ZBBX: variants seen among roughly 807,000 people sequenced by gnomAD.
The protein encoded by ZBBX is zinc finger B-box domain-containing protein 1.
Under a neutral mutation model 108.5 loss-of-function variants are expected in ZBBX, and 101 were observed. That is an observed-to-expected ratio of 0.93 (90% CI 0.79 to 1.10). ZBBX has a LOEUF of 1.10. Among genes scored for constraint, ZBBX ranks in the 50% least tolerant of loss-of-function variants. ZBBX has a pLI of 0.00. For synonymous variants in ZBBX, 356 were observed against 323.4 expected, an observed-to-expected ratio of 1.10 and a Z score of -1.08; for missense variants, 1,009 against 941.4, an observed-to-expected ratio of 1.07 and a Z score of -0.94.
At chr3:167,395,004 G>T (rs937340985) in intron 1 of ZBBX, among the ~76,000 whole-genome samples, 4 of 151,962 alleles carry the variant, frequency 2.6e-5, no homozygotes, top group South Asian at 2.1e-4. Context: ...GGAAATAGAG[G>T]CATATTAAAA....
chr3:167,312,921 A>G (rs1216931705), intron 16 of ZBBX, among the ~76,000 whole-genome samples: 1 of 152,194 alleles, frequency 6.6e-6, no homozygotes, highest in Non-Finnish European at 1.5e-5. Flanking sequence ...ATGCCCTCCG[A>G]TATCTCTCAA....
intron 1 of ZBBX, among the ~76,000 whole-genome samples, chr3:167,393,500 G>A (rs368023223): frequency 1.9e-4 from 29 of 151,842 alleles, no homozygotes; most frequent in East Asian, 1.2e-3. Flanking sequence ...ATCAAAGAGT[G>A]GGTTAAGTTG....
intron 16 of ZBBX, among the ~76,000 whole-genome samples, chr3:167,311,864 CTGTT>C (rs1225720480): frequency 3.9e-5 from 6 of 152,224 alleles, no homozygotes; most frequent in South Asian, 2.1e-4. Context: ...TTTGGTAAGA[CTGTT>C]TGGCAATTAT....
At chr3:167,276,014 G>A (rs1283187934) in intron 20 of ZBBX, among the ~76,000 whole-genome samples, 2 of 152,096 alleles carry the variant, frequency 1.3e-5, no homozygotes, top group African/African-American at 4.8e-5. Context: ...CCCCAGCAGG[G>A]GCAGACTGAC....
At chr3:167,289,132 T>C in intron 18 of ZBBX, 149 bp from the exon 19 acceptor site, 1 of 337,732 alleles carries the variant, frequency 3.0e-6, no homozygotes, top group Non-Finnish European at 5.1e-6. Context: ...AAAATCTTAT[T>C]ACAAAATAAA....
chr3:167,207,869 C>A, the ZBBX span, among the ~76,000 whole-genome samples: 1 of 152,128 alleles, frequency 6.6e-6, no homozygotes, highest in Non-Finnish European at 1.5e-5. Context: ...GTTGAGCAAT[C>A]ACAGGAGCTG....
chr3:167,207,723 T>G, the ZBBX span, among the ~76,000 whole-genome samples: 7,848 of 151,980 alleles, frequency 0.052, 563 homozygotes, highest in African/African-American at 0.16. Context: ...ATGAAGACAA[T>G]AGAATAATAG....
At chr3:167,204,635 C>G in the ZBBX span, among the ~76,000 whole-genome samples, 2 of 149,346 alleles carry the variant, frequency 1.3e-5, no homozygotes, top group Non-Finnish European at 3.0e-5. Flanking sequence ...TTAATCCAGT[C>G]TATCATTGTT....
At chr3:167,344,155 G>A (rs553487588) in intron 9 of ZBBX, among the ~76,000 whole-genome samples, 2 of 151,820 alleles carry the variant, frequency 1.3e-5, no homozygotes, top group African/African-American at 4.8e-5. Flanking sequence ...TATATGAAAT[G>A]TCCAGAATAG....
chr3:167,389,294 C>A (rs1748016149), intron 1 of ZBBX, among the ~76,000 whole-genome samples: 1 of 152,134 alleles, frequency 6.6e-6, no homozygotes, highest in South Asian at 2.1e-4. Flanking sequence ...CATGTTCCTG[C>A]AAAGGACATG....
chr3:167,289,990 T>C (rs6444211), intron 18 of ZBBX, among the ~76,000 whole-genome samples: 124,581 of 152,070 alleles, frequency 0.82, 51,417 homozygotes, highest in African/African-American at 0.93. Context: ...CTGGGCAGAG[T>C]CCACTACAGC....
chr3:167,274,930 C>T (rs1306123944), intron 20 of ZBBX, among the ~76,000 whole-genome samples: 1 of 152,088 alleles, frequency 6.6e-6, no homozygotes, highest in African/African-American at 2.4e-5. Context: ...ACACAAGTGG[C>T]ACCCTTTTGC....
rs1015470669 is a variant in ZBBX, at chr3:167,372,907, C to T, written c.-6G>A. On this transcript the variant is annotated 5_prime_UTR_variant, in exon 4 of 22. Coordinates refer to ENST00000675490, the MANE Select transcript of ZBBX (RefSeq NM_001199201.2). Reference sequence around the variant, plus strand: ...ACAAAATCTTTTCTGTTCATGATTACCACCTTAATATTGTCTAAAAGTTAT... The same window carrying T: ...ACAAAATCTTTTCTGTTCATGATTATCACCTTAATATTGTCTAAAAGTTAT... 1.9e-6 allele frequency: 3 copies of T among 1,591,208 alleles called. No individual in the cohort carries two copies. The highest frequency in any genetic ancestry group is 2.6e-6 in the Non-Finnish European group (3 of 1,170,706).
At chr3:167,328,858 C>T (rs1317366098) in intron 10 of ZBBX, among the ~76,000 whole-genome samples, 1 of 152,138 alleles carries the variant, frequency 6.6e-6, no homozygotes, top group Non-Finnish European at 1.5e-5. Context: ...CTAATAGGCC[C>T]CCTTTCCCCC....
At chr3:167,405,125 G>T (rs141618917) in intron 1 of ZBBX, among the ~76,000 whole-genome samples, 1 of 152,292 alleles carries the variant, frequency 6.6e-6, no homozygotes, top group East Asian at 1.9e-4. Context: ...GAAAGGCAAT[G>T]AGCTCTCTTT....
chr3:167,331,478 T>G, intron 10 of ZBBX: 1 of 814,972 alleles, frequency 1.2e-6, no homozygotes, highest in Non-Finnish European at 1.5e-6. Context: ...ATGCAGCAAT[T>G]TCAGCAGCCC....
chr3:167,262,054 C>T (rs981310669), intron 20 of ZBBX, among the ~76,000 whole-genome samples: 13 of 152,180 alleles, frequency 8.5e-5, no homozygotes, highest in African/African-American at 1.7e-4. Context: ...GTATTTTGCT[C>T]GGCTCTCCAA....
At chr3:167,223,004 G>C in the ZBBX span, among the ~76,000 whole-genome samples, 7 of 151,838 alleles carry the variant, frequency 4.6e-5, no homozygotes, top group African/African-American at 1.2e-4. Context: ...ACACTGATTT[G>C]ATCATTACAC....
chr3:167,288,848 G>T lies in ZBBX; in HGVS notation c.1996+19C>A. On this transcript the variant is annotated intron_variant, in intron 19 of 21. Coordinates refer to ENST00000675490, the MANE Select transcript of ZBBX (RefSeq NM_001199201.2). Reference sequence around the variant, plus strand: ...AGTAAGCTGCCAACATGGCACTGCTGCCTTTGAGTCAATGTTACCCATCTT... The same window carrying T: ...AGTAAGCTGCCAACATGGCACTGCTTCCTTTGAGTCAATGTTACCCATCTT... The T allele has an allele frequency of 6.7e-7, 1 of 1,499,274 alleles. No homozygotes were observed. Among genetic ancestry groups the T allele is most frequent in the Non-Finnish European group, 9.0e-7 (1 of 1,110,432 alleles). 92.9% of individuals were successfully genotyped at this position (1,499,274 alleles called of 1,614,324 possible).
Sources: gnomAD v4.1 joint callset for allele counts (sites outside exome capture counted in the v4.1 genomes callset) on GRCh38, gnomAD v4.1.1 for gene constraint, MANE v1.5 for transcripts, NCBI Gene and HGNC (gene_info 2026-07-23, HGNC 2026-07-21) for gene names.